The following CACNB2 variants were observed in gnomAD, a reference collection of about 807,000 sequenced individuals.
The protein encoded by CACNB2 is voltage-dependent L-type calcium channel subunit beta-2.
A neutral mutation model predicts 73.3 loss-of-function variants in CACNB2; 42 were observed. The observed-to-expected ratio is 0.57, with a 90% confidence interval of 0.45 to 0.74. The LOEUF is 0.74. CACNB2 is among the 30% of genes least tolerant of loss of function. The probability of loss-of-function intolerance (pLI) is 0.00; values close to 1 mark genes in which losing one functional copy is unlikely to be tolerated. For synonymous variants in CACNB2, 348 were observed against 310.3 expected (o/e 1.12, Z -1.28); for missense variants, 940 against 853.0 (o/e 1.10, Z -1.27).
At chr10:18,220,232 T>TATATATATATAG (rs1488872721) in intron 2 of CACNB2, among the ~76,000 whole-genome samples, 5 of 25,094 alleles carry the variant, frequency 2.0e-4, no homozygotes, top group Non-Finnish European at 2.5e-4. Flanking sequence ...TATATATATA[T>TATATATATATAG]AGAGAGAGAG....
intron 3 of CACNB2, among the ~76,000 whole-genome samples, chr10:18,404,630 T>A (rs1251723513): frequency 6.6e-6 from 1 of 152,190 alleles, no homozygotes; most frequent in Non-Finnish European, 1.5e-5. Flanking sequence ...ACAGATCACA[T>A]GTAATAAATA....
intron 2 of CACNB2, among the ~76,000 whole-genome samples, chr10:18,270,793 T>A (rs1389536329): frequency 6.6e-6 from 1 of 152,202 alleles, no homozygotes; most frequent in Non-Finnish European, 1.5e-5. Context: ...TGTCTGCCCA[T>A]CTTAGAACTT....
At chr10:18,361,634 A>G (rs2132221686) in intron 2 of CACNB2, among the ~76,000 whole-genome samples, 1 of 147,906 alleles carries the variant, frequency 6.8e-6, no homozygotes, top group Admixed American at 6.7e-5. Flanking sequence ...TTTTTTCGAA[A>G]CATAGTCTTG....
At chr10:18,213,356 G>A (rs2035393412) in intron 2 of CACNB2, among the ~76,000 whole-genome samples, 2 of 152,174 alleles carry the variant, frequency 1.3e-5, no homozygotes, top group South Asian at 2.1e-4. Context: ...AGAGTATGTG[G>A]AATAGAATTG....
chr10:18,408,859 T>C lies in CACNB2; in HGVS notation c.333+6816T>C, dbSNP rs565152682. On this transcript the variant is annotated intron_variant, in intron 3 of 13. Transcript: ENST00000324631. ...ACTAGTTTTCTTCAGGTTTGTTTAT[T>C]ATTATTTTTTTAGACAAGGTCTCAC... Among the ~76,000 whole-genome samples, 202 of 152,156 alleles carry C rather than the reference T, an allele frequency of 1.3e-3. 1 individual carries two copies. Among genetic ancestry groups the C allele is most frequent in the Non-Finnish European group, 2.5e-3 (171 of 68,028 alleles).
intron 2 of CACNB2, among the ~76,000 whole-genome samples, chr10:18,333,995 T>C (rs1037568469): frequency 1.3e-5 from 2 of 152,224 alleles, no homozygotes; most frequent in Non-Finnish European, 2.9e-5. Context: ...GATTGAAAGT[T>C]CAGAATTCCT....
chr10:18,227,565 A>T (rs948335058), intron 2 of CACNB2, among the ~76,000 whole-genome samples: 1 of 152,210 alleles, frequency 6.6e-6, no homozygotes, highest in Non-Finnish European at 1.5e-5. Context: ...GAAATCAAAG[A>T]GACAGTTTGT....
chr10:18,386,141 G>T (rs1298041451), intron 2 of CACNB2, among the ~76,000 whole-genome samples: 26 of 152,118 alleles, frequency 1.7e-4, no homozygotes, highest in Non-Finnish European at 2.6e-4. Flanking sequence ...AACTAGTGTT[G>T]TCTTTGATTT....
chr10:18,299,729 A>T lies in CACNB2; in HGVS notation c.214-102195A>T, dbSNP rs139652906. Among the ~76,000 whole-genome samples the T allele has an allele frequency of 1.1e-3, 170 of 152,256 alleles. 1 individual carries two copies. The East Asian group carries it at 0.03, about 27-fold the overall frequency. On this transcript the variant is annotated intron_variant, in intron 2 of 13. Transcript: ENST00000324631. ...CTGTCTCAAAAAATAAAAATAAAAA[A>T]AAACTTTCTTCACCTGCAAAATGGA...
chr10:18,375,234 G>C (rs1440149078), intron 2 of CACNB2, among the ~76,000 whole-genome samples: 4 of 152,032 alleles, frequency 2.6e-5, no homozygotes, highest in African/African-American at 9.7e-5. Context: ...TAATTGGGAG[G>C]TGAATGTGTC....
intron 3 of CACNB2, among the ~76,000 whole-genome samples, chr10:18,453,582 A>G (rs1009045511): frequency 2.0e-5 from 3 of 152,258 alleles, no homozygotes; most frequent in African/African-American, 7.2e-5. Flanking sequence ...TCCACAGAAC[A>G]TTAATGAAAG....
intron 2 of CACNB2, among the ~76,000 whole-genome samples, chr10:18,250,487 T>C (rs545889403): frequency 9.2e-5 from 14 of 152,344 alleles, no homozygotes; most frequent in African/African-American, 3.4e-4. Flanking sequence ...AAACTCATCT[T>C]TCTAAGAGGT....
At chr10:18,433,121 A>G (rs2045971013) in intron 3 of CACNB2, among the ~76,000 whole-genome samples, 1 of 54,050 alleles carries the variant, frequency 1.9e-5, no homozygotes, top group South Asian at 7.8e-4. Flanking sequence ...ATATGCGTGT[A>G]TTGATATATA....
rs187638651 is a variant in CACNB2, at chr10:18,198,012, T to A, written c.213+47037T>A. Among the ~76,000 whole-genome samples the A allele has an allele frequency of 4.1e-5, 6 of 148,008 alleles. No homozygotes were observed. In the East Asian group the frequency reaches 1.2e-3, roughly 29 times the overall value. ...ATATATTTTGTATATTATATATTAG[T>A]AACAATATAAATTTACATAATATAC... On this transcript the variant is annotated intron_variant, in intron 2 of 13. Transcript: ENST00000324631.
intron 2 of CACNB2, among the ~76,000 whole-genome samples, chr10:18,166,087 A>T (rs2032832161): frequency 6.6e-6 from 1 of 152,170 alleles, no homozygotes; most frequent in Non-Finnish European, 1.5e-5. Flanking sequence ...GTTTCCTTCT[A>T]TGGATGTCTT....
At chr10:18,461,162 C>A (rs949645245) in intron 3 of CACNB2, among the ~76,000 whole-genome samples, 4 of 152,154 alleles carry the variant, frequency 2.6e-5, no homozygotes, top group African/African-American at 9.7e-5. Context: ...GATCTGCACA[C>A]CTCGGCCTCC....
At chr10:18,298,617 G>A (rs1225116068) in intron 2 of CACNB2, among the ~76,000 whole-genome samples, 3 of 152,178 alleles carry the variant, frequency 2.0e-5, no homozygotes, top group Admixed American at 6.5e-5. Flanking sequence ...GTCTATATCC[G>A]GTTTGGGGAT....
rs143685227 is a variant in CACNB2, at chr10:18,511,681, G to A, written c.671-2555G>A. Among the ~76,000 whole-genome samples the A allele has an allele frequency of 1.8e-3, 276 of 152,164 alleles. 3 individuals carry two copies. In the South Asian group the frequency reaches 0.024, roughly 13 times the overall value. The stretch of plus-strand genomic sequence containing the variant: ...TCTTCTCCTTGACTGATTCTTAACC[G>A]TAGAATAATTTTCTAGCTAGTCCAG... On this transcript the variant is annotated intron_variant, in intron 6 of 13. Coordinates refer to ENST00000324631, the MANE Select transcript of CACNB2 (RefSeq NM_201596.3).
chr10:18,212,231 C>A (rs2035346253), intron 2 of CACNB2, among the ~76,000 whole-genome samples: 1 of 152,210 alleles, frequency 6.6e-6, no homozygotes, highest in African/African-American at 2.4e-5. Flanking sequence ...TTTTACATCT[C>A]AACCAGCAGC....
Sources: allele counts gnomAD v4.1 joint callset (sites outside exome capture counted in the v4.1 genomes callset), GRCh38; gene constraint gnomAD v4.1.1; transcripts MANE v1.5; gene names NCBI Gene and HGNC (gene_info 2026-07-23, HGNC 2026-07-21).